DSG1: variants seen among roughly 807,000 people sequenced by gnomAD.
DSG1 encodes the protein desmoglein 1.
In DSG1, 39 loss-of-function variants were observed where a neutral mutation model predicts 97.5. The ratio of observed to expected loss-of-function variants is 0.40; its 90% CI spans 0.31 to 0.52. The LOEUF (loss-of-function observed/expected upper bound fraction) is 0.52. DSG1 is among the 20% of genes least tolerant of loss of function. The probability of loss-of-function intolerance (pLI) is 0.53; values close to 1 mark genes in which losing one functional copy is unlikely to be tolerated. For synonymous variants in DSG1, 475 were observed against 443.4 expected (o/e 1.07, Z -0.90); for missense variants, 1,311 against 1,295.4 (o/e 1.01, Z -0.18).
At chr18:31,335,431 T>C (rs996053102) in intron 8 of DSG1, among the ~76,000 whole-genome samples, 1 of 152,132 alleles carries the variant, frequency 6.6e-6, no homozygotes, top group Admixed American at 6.5e-5. Context: ...AACCTATCTG[T>C]CCTCAATATC....
At chr18:31,319,700 C>T (rs1036177381) in intron 1 of DSG1, among the ~76,000 whole-genome samples, 1 of 152,136 alleles carries the variant, frequency 6.6e-6, no homozygotes, top group African/African-American at 2.4e-5. Context: ...TTTAGTTGAT[C>T]AGCTTGTTCA....
intron 1 of DSG1, among the ~76,000 whole-genome samples, chr18:31,320,486 T>C: frequency 6.6e-6 from 1 of 152,168 alleles, no homozygotes; most frequent in East Asian, 1.9e-4. Flanking sequence ...TCTCAATGCA[T>C]CTGAAGGTTG....
intron 14 of DSG1, among the ~76,000 whole-genome samples, chr18:31,351,316 G>C (rs1452251696): frequency 1.3e-5 from 2 of 149,620 alleles, no homozygotes; most frequent in Non-Finnish European, 3.0e-5. Context: ...TAGTTTGATT[G>C]CACTGTGGTC....
At chr18:31,319,057 G>A (rs972562333) in intron 1 of DSG1, among the ~76,000 whole-genome samples, 1 of 152,160 alleles carries the variant, frequency 6.6e-6, no homozygotes, top group African/African-American at 2.4e-5. Flanking sequence ...AGTGATGACT[G>A]CGATATAAAA....
At chr18:31,336,323 T>C (rs2071752145) in intron 8 of DSG1, 31 bp from the exon 9 acceptor site, 14 of 1,594,414 alleles carry the variant, frequency 8.8e-6, no homozygotes, top group African/African-American at 1.4e-5. Flanking sequence ...TATTTTCTTA[T>C]AATGAAACTA....
intron 11 of DSG1, among the ~76,000 whole-genome samples, chr18:31,340,720 C>T (rs1450098813): frequency 6.6e-6 from 1 of 152,110 alleles, no homozygotes; most frequent in East Asian, 1.9e-4. Context: ...CAAAGTACTG[C>T]GATGAAGAAC....
intron 11 of DSG1, among the ~76,000 whole-genome samples, chr18:31,342,969 C>T (rs528414025): frequency 1.5e-4 from 22 of 151,218 alleles, no homozygotes; most frequent in South Asian, 4.2e-4. Context: ...GCACAACCAC[C>T]GCCCACCTCC....
At chr18:31,333,769 C>T in intron 7 of DSG1, 46 bp downstream of exon 7, 1 of 1,601,362 alleles carries the variant, frequency 6.2e-7, no homozygotes, top group Non-Finnish European at 8.6e-7. Context: ...TCGCTATATT[C>T]TAAAACATAT....
At position 31,358,373 on chromosome 18, in the gene DSG1, A is replaced by G. The variant is rs111734206; in HGVS notation, c.*3027A>G. On this transcript the variant is annotated 3_prime_UTR_variant, in exon 15 of 15. Coordinates refer to ENST00000257192, the MANE Select transcript of DSG1 (RefSeq NM_001942.4). ...TCTGATGTAATTGCATTTGCACTGA[A>G]AAATTAAAAGAAAAAGTACATATTT... is the stretch of plus-strand genomic sequence containing the variant. 8.0e-3 allele frequency among the ~76,000 whole-genome samples: 1,210 copies of G among 152,112 alleles called. 38 individuals are homozygous for G. In the South Asian group the frequency reaches 0.087, roughly 11 times the overall value.
chr18:31,353,229 G>C (rs1258809879), intron 14 of DSG1, among the ~76,000 whole-genome samples: 1 of 149,900 alleles, frequency 6.7e-6, no homozygotes, highest in East Asian at 2.0e-4. Context: ...GTACCCTGCC[G>C]TGTGAGGTGT....
intron 1 of DSG1, among the ~76,000 whole-genome samples, chr18:31,321,814 G>A (rs1230621354): frequency 6.6e-6 from 1 of 152,092 alleles, no homozygotes; most frequent in African/African-American, 2.4e-5. Context: ...TTAATTTCTG[G>A]TAACTCTTTC....
Position 31,326,675 on chromosome 18 carries a change from A to G in DSG1, c.84+59A>G, listed in dbSNP as rs1173738808. ...TAAACAAGAAAATAATTTGAGAATA[A>G]CAATATGTTTTCTGAAGAAAATGTA... On this transcript the variant is annotated intron_variant, in intron 2 of 14. Transcript: ENST00000257192. 13 of 1,454,010 alleles carry G rather than the reference A, an allele frequency of 8.9e-6. No individual in the cohort carries two copies. In the East Asian group the frequency reaches 9.1e-5, roughly 10 times the overall value. The allele number at this position is 1,454,010 out of a possible 1,614,324, so 90.1% of individuals were successfully genotyped here.
intron 11 of DSG1, among the ~76,000 whole-genome samples, chr18:31,341,143 A>T (rs1174224263): frequency 6.6e-6 from 1 of 152,230 alleles, no homozygotes; most frequent in African/African-American, 2.4e-5. Flanking sequence ...AGAGCAAGAT[A>T]AACCACATGG....
At position 31,334,133 on chromosome 18, in the gene DSG1, A is replaced by T. The variant is rs2144096128; in HGVS notation, c.936A>T (p.Gly312=). The T allele has an allele frequency of 1.2e-6, 2 of 1,610,590 alleles. No homozygotes were observed. The highest frequency in any genetic ancestry group is 2.2e-5 in the East Asian group (1 of 44,712). The change falls in exon 8 of 15, where the codon GGA becomes GGT. Residue 312 remains glycine, a synonymous_variant. Coordinates refer to ENST00000257192, the MANE Select transcript of DSG1 (RefSeq NM_001942.4). The stretch of plus-strand genomic sequence containing the variant: ...TGGCAGTAATTTTCTTTATCTCTGG[A>T]AATGAAGGAAATTGGTTTGAGATAG... ...NWMAVIFFIS[G]NEGNWFEIEM...
At chr18:31,333,765 T>C in intron 7 of DSG1, 42 bp downstream of exon 7, 1 of 1,605,730 alleles carries the variant, frequency 6.2e-7, no homozygotes, top group Non-Finnish European at 8.5e-7. Context: ...AAATTCGCTA[T>C]ATTCTAAAAC....
chr18:31,332,037 A>AT (rs2071724505), intron 6 of DSG1, among the ~76,000 whole-genome samples, 170 bp downstream of exon 6: 1 of 152,074 alleles, frequency 6.6e-6, no homozygotes, highest in Non-Finnish European at 1.5e-5. Context: ...AAAAGGGAGG[A>AT]TTTTTCAATT....
rs2071950480 is a variant in DSG1 at position 31,355,655 on chromosome 18, T to A, written c.*309T>A. On this transcript the variant is annotated 3_prime_UTR_variant, in exon 15 of 15. Coordinates refer to ENST00000257192, the MANE Select transcript of DSG1 (RefSeq NM_001942.4). ...GCCTTACGATGGCAATTGGCATCATTCTCCTTGCTCTGTTTTGCTTTTCCA... is the reference window on the plus strand; with the variant it reads ...GCCTTACGATGGCAATTGGCATCATACTCCTTGCTCTGTTTTGCTTTTCCA... 3 of 374,934 alleles carry A rather than the reference T, an allele frequency of 8.0e-6. No homozygotes were observed. The East Asian group carries it at 1.5e-4, about 19-fold the overall frequency. The allele number at this position is 374,934 out of a possible 1,614,324, so 23.2% of individuals were successfully genotyped here. A position where few individuals can be genotyped will look rare whatever the true frequency, so the allele number is the denominator to read the frequency against.
intron 11 of DSG1, 130 bp from the exon 12 acceptor site, chr18:31,343,320 G>C: frequency 7.4e-7 from 1 of 1,345,930 alleles, no homozygotes; most frequent in Non-Finnish European, 1.1e-6. Flanking sequence ...CTTGTATTCT[G>C]AAACTTTCAT....
intron 5 of DSG1, among the ~76,000 whole-genome samples, chr18:31,330,539 T>C (rs1374201871): frequency 3.3e-5 from 5 of 152,162 alleles, no homozygotes; most frequent in African/African-American, 4.8e-5. Context: ...TTCATTAAAA[T>C]ACTGTACCTA....
Sources: gnomAD v4.1 joint callset for allele counts (sites outside exome capture counted in the v4.1 genomes callset) on GRCh38, gnomAD v4.1.1 for gene constraint, MANE v1.5 for transcripts, NCBI Gene and HGNC (gene_info 2026-07-23, HGNC 2026-07-21) for gene names.